Variants in TFEC observed in about 807,000 individuals in gnomAD.
TFEC encodes transcription factor EC, also known as class E basic helix-loop-helix protein 34.
TFEC carries 31 observed loss-of-function variants against 41.6 expected under a neutral mutation model. That is an observed-to-expected ratio of 0.74 (90% confidence interval 0.56 to 1.01). The LOEUF (loss-of-function observed/expected upper bound fraction) is 1.01, where lower values mean the gene tolerates loss of function less well. Among genes scored for constraint, TFEC ranks in the 50% least tolerant of loss-of-function variants. The pLI is 0.00. For missense variants in TFEC, 402 were observed against 404.1 expected (o/e 0.99, Z 0.04); for synonymous variants, 143 against 140.6 (o/e 1.02, Z -0.12).
chr7:116,051,388 G>T (rs1351171457), intron 3 of TFEC, among the ~76,000 whole-genome samples: 1 of 152,168 alleles, frequency 6.6e-6, no homozygotes, highest in Admixed American at 6.5e-5. Flanking sequence ...AAGAGTTCAA[G>T]TCATCAGTAT....
chr7:116,149,254 T>C (rs1011587355), intron 1 of TFEC, among the ~76,000 whole-genome samples: 5 of 152,076 alleles, frequency 3.3e-5, no homozygotes, highest in Admixed American at 6.6e-5. Flanking sequence ...GGAATAAATA[T>C]AATTCACAAA....
At chr7:116,066,460 C>G (rs1028515087) in intron 3 of TFEC, among the ~76,000 whole-genome samples, 3 of 151,838 alleles carry the variant, frequency 2.0e-5, no homozygotes, top group Non-Finnish European at 2.9e-5. Context: ...AATAGGGAGT[C>G]ATGTTTTTAA....
intron 1 of TFEC, among the ~76,000 whole-genome samples, chr7:115,987,643 T>G (rs1467344929): frequency 6.6e-6 from 1 of 152,128 alleles, no homozygotes; most frequent in Non-Finnish European, 1.5e-5. Context: ...AAAAATGAGT[T>G]CTTCATGGGC....
chr7:116,052,433 T>C (rs1374678375), intron 3 of TFEC, among the ~76,000 whole-genome samples: 1 of 151,950 alleles, frequency 6.6e-6, no homozygotes, highest in Admixed American at 6.5e-5. Context: ...GTTTGGTTTG[T>C]TTGTTTGTTT....
At chr7:115,980,304 C>G (rs1562908051) in intron 2 of TFEC, among the ~76,000 whole-genome samples, 1 of 152,134 alleles carries the variant, frequency 6.6e-6, no homozygotes, top group Non-Finnish European at 1.5e-5. Context: ...AAGCAGCCCC[C>G]TTGTGATCAC....
chr7:116,124,284 G>GA (rs539517550), intron 1 of TFEC, among the ~76,000 whole-genome samples: 8 of 151,978 alleles, frequency 5.3e-5, no homozygotes, highest in Non-Finnish European at 7.4e-5. Flanking sequence ...AAAAACGGGG[G>GA]AAAAAAGAAA....
At chr7:116,043,472 T>G (rs1006031022) in intron 3 of TFEC, among the ~76,000 whole-genome samples, 12 of 152,176 alleles carry the variant, frequency 7.9e-5, no homozygotes, top group Non-Finnish European at 1.3e-4. Flanking sequence ...ATCCAATTGT[T>G]GCTAGAAAAT....
intron 3 of TFEC, among the ~76,000 whole-genome samples, chr7:116,046,132 C>A (rs942874983): frequency 1.1e-4 from 17 of 152,098 alleles, no homozygotes; most frequent in African/African-American, 4.1e-4. Context: ...AGACTTTGGA[C>A]TGTGGGCTTT....
rs545072164 is a variant in TFEC at position 115,954,574 on chromosome 7, A to G, written c.439+12T>C. On this transcript the variant is annotated intron_variant, in intron 5 of 7. Coordinates refer to ENST00000265440, the MANE Select transcript of TFEC (RefSeq NM_012252.4). ...TTTTGCATTAATTTTATATGGAAAA[A>G]TATATACTCACTGAGGTTGTGGTTG... 3.7e-5 allele frequency: 60 copies of G among 1,607,524 alleles called. No homozygotes were observed. The South Asian group carries it at 6.2e-4, about 17-fold the overall frequency.
intron 1 of TFEC, among the ~76,000 whole-genome samples, chr7:116,119,743 A>G (rs1177307887): frequency 1.3e-5 from 2 of 151,820 alleles, no homozygotes; most frequent in Non-Finnish European, 2.9e-5. Context: ...AAATCCAGTT[A>G]TTATATTTTT....
chr7:116,067,197 C>T (rs1173239407), intron 3 of TFEC, among the ~76,000 whole-genome samples: 1 of 151,966 alleles, frequency 6.6e-6, no homozygotes, highest in Non-Finnish European at 1.5e-5. Context: ...GGCCATAGAA[C>T]ATAAAAACTT....
chr7:116,084,071 G>T (rs529219837), intron 3 of TFEC, among the ~76,000 whole-genome samples: 9 of 151,956 alleles, frequency 5.9e-5, no homozygotes, highest in Admixed American at 2.0e-4. Flanking sequence ...TAATTATTCT[G>T]GAAGGGTTAA....
intron 1 of TFEC, among the ~76,000 whole-genome samples, chr7:115,992,048 A>G (rs1210389042): frequency 6.6e-6 from 1 of 152,214 alleles, no homozygotes; most frequent in Non-Finnish European, 1.5e-5. Context: ...CAAGATTAAG[A>G]AACTCACTCA....
At chr7:116,058,810 A>G (rs1273344832) in intron 3 of TFEC, among the ~76,000 whole-genome samples, 2 of 151,972 alleles carry the variant, frequency 1.3e-5, no homozygotes, top group East Asian at 3.9e-4. Flanking sequence ...AAAAAAATCA[A>G]AAGGGAAATT....
At chr7:116,147,498 GC>G in intron 1 of TFEC, among the ~76,000 whole-genome samples, 1 of 151,978 alleles carries the variant, frequency 6.6e-6, no homozygotes, top group Non-Finnish European at 1.5e-5. Context: ...TTGGTGTGCT[GC>G]ACCCATTAAC....
At chr7:116,088,139 C>T (rs966581521) in intron 3 of TFEC, among the ~76,000 whole-genome samples, 3 of 152,138 alleles carry the variant, frequency 2.0e-5, no homozygotes, top group East Asian at 3.9e-4. Context: ...CCCCCTACTA[C>T]TCCAGTCTTT....
At chr7:116,086,444 T>C (rs1797204830) in intron 3 of TFEC, among the ~76,000 whole-genome samples, 1 of 151,986 alleles carries the variant, frequency 6.6e-6, no homozygotes, top group South Asian at 2.1e-4. Context: ...AATTTAATGT[T>C]TGATGCATAC....
At chr7:116,061,514 T>C (rs891825894) in intron 3 of TFEC, among the ~76,000 whole-genome samples, 7 of 152,092 alleles carry the variant, frequency 4.6e-5, no homozygotes, top group African/African-American at 1.4e-4. Context: ...CAAAGAAAAC[T>C]TGGGAGAAAA....
intron 3 of TFEC, among the ~76,000 whole-genome samples, chr7:116,046,989 T>C (rs527735307): frequency 6.6e-6 from 1 of 152,180 alleles, no homozygotes; most frequent in East Asian, 1.9e-4. Context: ...TAGAAAGCAT[T>C]TACTTGTGTC....
Sources: allele counts gnomAD v4.1 joint callset (sites outside exome capture counted in the v4.1 genomes callset), GRCh38; gene constraint gnomAD v4.1.1; transcripts MANE v1.5; gene names NCBI Gene and HGNC (gene_info 2026-07-23, HGNC 2026-07-21).